TAFA5: variants seen among roughly 807,000 people sequenced by gnomAD.
TAFA5 encodes the protein TAFA chemokine like family member 5, also known as chemokine-like protein TAFA-5.
Under a neutral mutation model 15.3 loss-of-function variants are expected in TAFA5, and 6 were observed. The observed-to-expected ratio is 0.39, with a 90% CI of 0.21 to 0.77. TAFA5 has a LOEUF of 0.77. Ranked by LOEUF, TAFA5 falls within the 30% of genes least tolerant of loss-of-function variation. The pLI is 0.41. For missense variants in TAFA5, 161 were observed against 193.1 expected (o/e 0.83, Z 0.98); for synonymous variants, 103 against 80.7 (o/e 1.28, Z -1.48).
chr22:48,535,415 T>C (rs1922121388), intron 1 of TAFA5, among the ~76,000 whole-genome samples: 1 of 152,240 alleles, frequency 6.6e-6, no homozygotes, highest in Non-Finnish European at 1.5e-5. Context: ...CGGGTGTGTA[T>C]ATGTCACAGA....
chr22:48,718,432 A>T (rs955978243), intron 3 of TAFA5, among the ~76,000 whole-genome samples: 2 of 152,256 alleles, frequency 1.3e-5, no homozygotes, highest in South Asian at 4.1e-4. Flanking sequence ...GAGGATCCAC[A>T]GTTACCAGGC....
chr22:48,498,386 T>C (rs1920936920), intron 1 of TAFA5, among the ~76,000 whole-genome samples: 1 of 152,056 alleles, frequency 6.6e-6, no homozygotes, highest in Non-Finnish European at 1.5e-5. Flanking sequence ...AAACTAAGTC[T>C]CCTGGATTCC....
chr22:48,704,875 T>C (rs1929031431), intron 2 of TAFA5, among the ~76,000 whole-genome samples: 1 of 152,122 alleles, frequency 6.6e-6, no homozygotes. Context: ...AGGATCATGG[T>C]GCTGATAGGT....
intron 1 of TAFA5, among the ~76,000 whole-genome samples, chr22:48,630,804 G>T (rs1248409313): frequency 2.6e-5 from 4 of 151,864 alleles, no homozygotes; most frequent in Admixed American, 6.5e-5. Flanking sequence ...CGGCTGTGGG[G>T]CTTTTGTTTC....
intron 1 of TAFA5, among the ~76,000 whole-genome samples, chr22:48,535,871 TGAGCACTCGTGTGTGTGCACACA>T (rs1490849098): frequency 4.0e-5 from 6 of 151,790 alleles, no homozygotes; most frequent in Non-Finnish European, 8.8e-5. Context: ...GGCACATGTA[TGAGCACTCGTGTGTGTGCACACA>T]GGCTGTGTGG....
At chr22:48,615,994 G>C (rs1052316997) in intron 1 of TAFA5, among the ~76,000 whole-genome samples, 1 of 152,194 alleles carries the variant, frequency 6.6e-6, no homozygotes, top group Admixed American at 6.5e-5. Flanking sequence ...GCTGAACTGG[G>C]GCTTCTAGAA....
chr22:48,647,777 G>A lies in TAFA5; in HGVS notation c.262+1031G>A, dbSNP rs539869841. 8.5e-5 allele frequency among the ~76,000 whole-genome samples: 13 copies of A among 152,284 alleles called. No homozygotes were observed. The South Asian group carries it at 2.7e-3, about 32-fold the overall frequency. ...TTGGGGTGAAGGACCCCACGCAGGG[G>A]TATTGGATGCCTTGGTTCTAGGCGC... On this transcript the variant is annotated intron_variant, in intron 2 of 3. Transcript: ENST00000402357.
At chr22:48,738,390 C>T (rs1930090691) in intron 3 of TAFA5, among the ~76,000 whole-genome samples, 1 of 152,208 alleles carries the variant, frequency 6.6e-6, no homozygotes. Flanking sequence ...TGCAGCCCAG[C>T]GGGTGTCCCA....
intron 1 of TAFA5, among the ~76,000 whole-genome samples, chr22:48,579,513 C>T (rs1188997086): frequency 6.6e-6 from 1 of 152,220 alleles, no homozygotes. Context: ...GAGCCGGCCG[C>T]TTCCTTAGGG....
At chr22:48,713,164 G>C (rs1929304320) in intron 3 of TAFA5, among the ~76,000 whole-genome samples, 1 of 152,200 alleles carries the variant, frequency 6.6e-6, no homozygotes, top group African/African-American at 2.4e-5. Flanking sequence ...ACAGTTGTGG[G>C]GGTGAAGAAA....
chr22:48,662,194 G>T (rs954001261), intron 2 of TAFA5, among the ~76,000 whole-genome samples: 2 of 152,120 alleles, frequency 1.3e-5, no homozygotes, highest in Admixed American at 6.5e-5. Context: ...TGGGGACAGC[G>T]GGAGGAGCTC....
Position 48,503,108 on chromosome 22 carries a change from C to T in TAFA5, c.112+13404C>T, listed in dbSNP as rs904235131. On this transcript the variant is annotated intron_variant, in intron 1 of 3. Transcript: ENST00000402357. ...CATTTTCGGGGTTCTGTGGCTGTGT[C>T]GGGAGGCAGCGGGTGGCTCCTCTGA... Among the ~76,000 whole-genome samples the T allele has an allele frequency of 9.2e-5, 14 of 152,066 alleles. 1 individual carries two copies. Among genetic ancestry groups the T allele is most frequent in the Admixed American group, 6.6e-5 (1 of 15,252 alleles).
At chr22:48,545,483 G>A (rs1187263971) in intron 1 of TAFA5, 6 of 158,404 alleles carry the variant, frequency 3.8e-5, no homozygotes, top group African/African-American at 1.4e-4. Flanking sequence ...ATGTTTCTGG[G>A]TTATGCAGTG....
At chr22:48,663,667 C>T (rs77699546) in intron 2 of TAFA5, among the ~76,000 whole-genome samples, 6,632 of 152,256 alleles carry the variant, frequency 0.044, 496 homozygotes, top group African/African-American at 0.15. Context: ...TTAAATTGCA[C>T]GTCATTCTGA....
chr22:48,700,170 C>T (rs1047326916), intron 2 of TAFA5, among the ~76,000 whole-genome samples: 5 of 152,116 alleles, frequency 3.3e-5, no homozygotes, highest in African/African-American at 9.7e-5. Flanking sequence ...ATCCCGAAAC[C>T]CTTCTTTCAT....
chr22:48,576,631 C>G (rs1342340273), intron 1 of TAFA5: 6 of 1,300,692 alleles, frequency 4.6e-6, no homozygotes, highest in African/African-American at 1.5e-5. Flanking sequence ...GCGGCGGCTC[C>G]GGCGCCCGAC....
At chr22:48,536,271 G>A (rs1922159181) in intron 1 of TAFA5, among the ~76,000 whole-genome samples, 1 of 152,256 alleles carries the variant, frequency 6.6e-6, no homozygotes, top group African/African-American at 2.4e-5. Context: ...GCAGTCCCGG[G>A]TTTTTGTGGG....
chr22:48,569,736 G>T (rs1394234315), intron 1 of TAFA5, among the ~76,000 whole-genome samples: 1 of 152,232 alleles, frequency 6.6e-6, no homozygotes, highest in Non-Finnish European at 1.5e-5. Flanking sequence ...GCATCCCGGG[G>T]GGTGGCCTCC....
At chr22:48,729,496 T>A (rs976092064) in intron 3 of TAFA5, among the ~76,000 whole-genome samples, 11 of 147,424 alleles carry the variant, frequency 7.5e-5, no homozygotes, top group African/African-American at 2.5e-4. Context: ...AAAAGAGGAA[T>A]CAGATTACTA....
Sources: gnomAD v4.1 joint callset for allele counts (sites outside exome capture counted in the v4.1 genomes callset) on GRCh38, gnomAD v4.1.1 for gene constraint, MANE v1.5 for transcripts, NCBI Gene and HGNC (gene_info 2026-07-23, HGNC 2026-07-21) for gene names.